The following PXDNL variants were observed in gnomAD, a reference collection of about 807,000 sequenced individuals.
PXDNL encodes the protein peroxidasin like, also known as probable oxidoreductase PXDNL.
PXDNL carries 145 observed loss-of-function variants against 150.8 expected under a neutral mutation model. The ratio of observed to expected loss-of-function variants is 0.96; its 90% confidence interval spans 0.84 to 1.10. The LOEUF is 1.10. Ranked by LOEUF, PXDNL falls within the 50% of genes least tolerant of loss-of-function variation. PXDNL has a pLI of 0.00. For synonymous variants in PXDNL, 757 were observed against 725.7 expected (o/e 1.04, Z -0.69); for missense variants, 2,087 against 1,873.9 (o/e 1.11, Z -2.10).
At chr8:51,510,384 C>T (rs919572862) in intron 4 of PXDNL, among the ~76,000 whole-genome samples, 6 of 152,188 alleles carry the variant, frequency 3.9e-5, no homozygotes, top group African/African-American at 1.4e-4. Context: ...TGAGGATCTA[C>T]TTGAAATTCG....
chr8:51,394,773 T>G (rs918598251), intron 17 of PXDNL, among the ~76,000 whole-genome samples: 4 of 152,180 alleles, frequency 2.6e-5, no homozygotes, highest in African/African-American at 9.7e-5. Context: ...TGCCCTCTTT[T>G]ATTCTCAAAA....
At chr8:51,322,553 GTGGCAACATGAAGGATCAC>G (rs1805356763) in intron 21 of PXDNL, among the ~76,000 whole-genome samples, 1 of 152,086 alleles carries the variant, frequency 6.6e-6, no homozygotes, top group African/African-American at 2.4e-5. Context: ...GATCACTCCT[GTGGCAACATGAAGGATCAC>G]TGGTGAGAAA....
chr8:51,425,160 T>C (rs1402229517), intron 13 of PXDNL, among the ~76,000 whole-genome samples: 2 of 152,224 alleles, frequency 1.3e-5, no homozygotes, highest in South Asian at 2.1e-4. Flanking sequence ...AAATATTCGC[T>C]TGGAGTCTCA....
At chr8:51,618,590 T>C (rs1338298303) in intron 2 of PXDNL, among the ~76,000 whole-genome samples, 1 of 152,162 alleles carries the variant, frequency 6.6e-6, no homozygotes, top group Non-Finnish European at 1.5e-5. Context: ...GCAATAAAAG[T>C]CAGTGCCTGG....
rs531735297 is a variant in PXDNL, at chr8:51,578,105, AGAAAGAAAGAAAGAAG to A, written c.308+14506_308+14521del. ...GAAAAAGAGAAAGAAAGAAAGAAAA[AGAAAGAAAGAAAGAAG>A]GAAAGAAAGAAAGAGTGAGAGAGAG... On this transcript the variant is annotated intron_variant, in intron 3 of 22. Coordinates refer to ENST00000356297, the MANE Select transcript of PXDNL (RefSeq NM_144651.5). 6.6e-3 allele frequency among the ~76,000 whole-genome samples: 809 copies of A among 121,822 alleles called. 13 individuals carry two copies. The highest frequency in any genetic ancestry group is 9.9e-3 in the Non-Finnish European group (545 of 54,778). 79.9% of individuals were successfully genotyped at this position (121,822 alleles called of 152,430 possible). A position where few individuals can be genotyped will look rare whatever the true frequency, so the allele number is the denominator to read the frequency against.
intron 2 of PXDNL, among the ~76,000 whole-genome samples, chr8:51,638,789 C>A (rs1475309787): frequency 6.6e-6 from 1 of 152,080 alleles, no homozygotes; most frequent in Non-Finnish European, 1.5e-5. Flanking sequence ...TTAGACAGAT[C>A]AACGAGACAG....
At chr8:51,337,382 G>C (rs951168553) in intron 21 of PXDNL, among the ~76,000 whole-genome samples, 1 of 151,916 alleles carries the variant, frequency 6.6e-6, no homozygotes, top group African/African-American at 2.4e-5. Context: ...AAATTGTTTG[G>C]GCCCACCTTC....
intron 3 of PXDNL, among the ~76,000 whole-genome samples, chr8:51,584,650 G>A (rs562652363): frequency 2.0e-4 from 31 of 152,150 alleles, no homozygotes; most frequent in Non-Finnish European, 3.8e-4. Flanking sequence ...GTATGTGAAG[G>A]TGGCAATTCA....
chr8:51,634,455 C>T (rs573453569), intron 2 of PXDNL, among the ~76,000 whole-genome samples: 1 of 152,116 alleles, frequency 6.6e-6, no homozygotes, highest in Non-Finnish European at 1.5e-5. Flanking sequence ...ACTTCTTTGG[C>T]TATTTGGCTG....
chr8:51,614,060 C>A (rs535396821), intron 2 of PXDNL, among the ~76,000 whole-genome samples: 2 of 152,120 alleles, frequency 1.3e-5, no homozygotes, highest in African/African-American at 2.4e-5. Context: ...ATATTTTGTA[C>A]GCTATTGACT....
chr8:51,331,099 C>T (rs1805670959), intron 21 of PXDNL, among the ~76,000 whole-genome samples: 1 of 152,160 alleles, frequency 6.6e-6, no homozygotes, highest in Non-Finnish European at 1.5e-5. Context: ...AGACCCTCTG[C>T]AGGAAGCAGA....
At chr8:51,777,834 C>T (rs1165719808) in intron 1 of PXDNL, among the ~76,000 whole-genome samples, 1 of 152,016 alleles carries the variant, frequency 6.6e-6, no homozygotes, top group African/African-American at 2.4e-5. Flanking sequence ...ACCCGGGAGG[C>T]GGAGGTTGCA....
At chr8:51,692,738 A>G (rs562561354) in intron 1 of PXDNL, among the ~76,000 whole-genome samples, 77 of 152,352 alleles carry the variant, frequency 5.1e-4, no homozygotes, top group African/African-American at 1.7e-3. Context: ...TGATTAAACC[A>G]TAGCTCACTA....
intron 1 of PXDNL, among the ~76,000 whole-genome samples, chr8:51,720,902 G>A (rs1219945259): frequency 2.0e-5 from 3 of 152,222 alleles, no homozygotes; most frequent in Admixed American, 6.5e-5. Context: ...GCACAACAGA[G>A]GGAACTCCAC....
intron 6 of PXDNL, among the ~76,000 whole-genome samples, chr8:51,475,813 G>A (rs961822227): frequency 7.9e-5 from 12 of 151,504 alleles, no homozygotes; most frequent in East Asian, 5.8e-4. Context: ...AGTGTCTATC[G>A]TTGTCATTTT....
chr8:51,334,199 A>G (rs1470485507), intron 21 of PXDNL, among the ~76,000 whole-genome samples: 1 of 152,214 alleles, frequency 6.6e-6, no homozygotes, highest in Non-Finnish European at 1.5e-5. Context: ...TGGAAATTAA[A>G]TAACCTGCTC....
chr8:51,730,318 C>A (rs531133468), intron 1 of PXDNL, among the ~76,000 whole-genome samples: 7 of 152,212 alleles, frequency 4.6e-5, no homozygotes, highest in African/African-American at 1.4e-4. Flanking sequence ...ATAACCTTTT[C>A]TGAATTTTTT....
intron 5 of PXDNL, among the ~76,000 whole-genome samples, chr8:51,496,367 C>T (rs1458645660): frequency 2.6e-5 from 4 of 152,142 alleles, no homozygotes; most frequent in Admixed American, 1.3e-4. Context: ...TGAAAATGGG[C>T]ACAAGACAGG....
intron 4 of PXDNL, among the ~76,000 whole-genome samples, chr8:51,524,624 C>T (rs1164074620): frequency 6.6e-6 from 1 of 151,904 alleles, no homozygotes; most frequent in African/African-American, 2.4e-5. Context: ...TATGATGCCA[C>T]CATTAACTAA....
Sources: gnomAD v4.1 joint callset for allele counts (sites outside exome capture counted in the v4.1 genomes callset) on GRCh38, gnomAD v4.1.1 for gene constraint, MANE v1.5 for transcripts, NCBI Gene and HGNC (gene_info 2026-07-23, HGNC 2026-07-21) for gene names.